Variants in ANO10 observed in about 807,000 individuals in gnomAD.
ANO10 encodes the protein anoctamin-10.
Under a neutral mutation model 74.7 loss-of-function variants are expected in ANO10, and 77 were observed. The observed-to-expected ratio is 1.03, with a 90% CI of 0.86 to 1.25. ANO10 has a LOEUF of 1.25. Among genes scored for constraint, ANO10 ranks in the 50% most tolerant of loss-of-function variants. The pLI is 0.00. For missense variants in ANO10, 721 were observed against 778.1 expected, an observed-to-expected ratio of 0.93 and a Z score of 0.87; for synonymous variants, 279 against 284.9, an observed-to-expected ratio of 0.98 and a Z score of 0.21.
chr3:43,647,147 G>GTA (rs1360745248), intron 1 of ANO10, among the ~76,000 whole-genome samples: 4 of 122,420 alleles, frequency 3.3e-5, no homozygotes, highest in African/African-American at 9.2e-5. Flanking sequence ...AAAGATATGT[G>GTA]TATATATGTG....
chr3:43,469,853 T>TA, intron 11 of ANO10, among the ~76,000 whole-genome samples: 1 of 152,074 alleles, frequency 6.6e-6, no homozygotes, highest in East Asian at 1.9e-4. Flanking sequence ...CTTTCTTAGA[T>TA]AGACAGGAAG....
intron 12 of ANO10, among the ~76,000 whole-genome samples, chr3:43,375,803 G>C (rs1175649559): frequency 3.2e-5 from 2 of 62,778 alleles, no homozygotes; most frequent in Non-Finnish European, 8.8e-5. Flanking sequence ...TGGGGGAGAA[G>C]GTGTCTTCCT....
chr3:43,557,090 A>T (rs2079787205), intron 9 of ANO10, among the ~76,000 whole-genome samples: 1 of 152,152 alleles, frequency 6.6e-6, no homozygotes, highest in Non-Finnish European at 1.5e-5. Context: ...TACTATTTAT[A>T]AAAAGGAAAA....
At chr3:43,556,766 T>C (rs760107505) in intron 9 of ANO10, among the ~76,000 whole-genome samples, 2 of 152,030 alleles carry the variant, frequency 1.3e-5, no homozygotes, top group East Asian at 3.9e-4. Context: ...GGAACAAACA[T>C]AACACACAAT....
chr3:43,403,048 C>T (rs1326806478), intron 12 of ANO10, among the ~76,000 whole-genome samples: 1 of 152,208 alleles, frequency 6.6e-6, no homozygotes, highest in Admixed American at 6.5e-5. Flanking sequence ...GCCTCTGAGC[C>T]TCAAATGCAT....
intron 12 of ANO10, among the ~76,000 whole-genome samples, chr3:43,374,068 G>C (rs1339249173): frequency 6.6e-6 from 1 of 152,162 alleles, no homozygotes; most frequent in Non-Finnish European, 1.5e-5. Context: ...CTTCAGCATG[G>C]AGTGGACGCA....
chr3:43,432,535 G>A, intron 12 of ANO10, 76 bp downstream of exon 12: 5 of 1,275,006 alleles, frequency 3.9e-6, no homozygotes, highest in Non-Finnish European at 5.7e-6. Context: ...AAAAAATGCT[G>A]AGACTGATTC....
At chr3:43,396,967 T>C (rs1410279540) in intron 12 of ANO10, among the ~76,000 whole-genome samples, 1 of 152,042 alleles carries the variant, frequency 6.6e-6, no homozygotes, top group East Asian at 1.9e-4. Flanking sequence ...TTCGCTCTTG[T>C]TGCCCATGCT....
rs867427329 is a variant in ANO10 at position 43,514,062 on chromosome 3, T to A, written c.1797+35658A>T. Among the ~76,000 whole-genome samples, 16 of 150,772 alleles carry A rather than the reference T, an allele frequency of 1.1e-4. 1 individual carries two copies. The highest frequency in any genetic ancestry group is 7.7e-4 in the East Asian group (4 of 5,162). ...TATAATTTATTACATTATAAATAAT[T>A]GCAAACAAAATTAAAATTGCAAGCA... On this transcript the variant is annotated intron_variant, in intron 11 of 12. Coordinates refer to ENST00000292246, the MANE Select transcript of ANO10 (RefSeq NM_018075.5).
chr3:43,575,380 T>C (rs1279210670), intron 6 of ANO10, among the ~76,000 whole-genome samples: 1 of 152,168 alleles, frequency 6.6e-6, no homozygotes, highest in African/African-American at 2.4e-5. Flanking sequence ...TGAAGAGAAG[T>C]GTCATCTTAC....
chr3:43,537,611 C>CCACA (rs3223349), intron 11 of ANO10, among the ~76,000 whole-genome samples: 7,876 of 139,994 alleles, frequency 0.056, 270 homozygotes, highest in African/African-American at 0.089. Context: ...ACTTTATAAA[C>CCACA]CACACACACA....
At chr3:43,660,211 T>G (rs2083909968) in intron 1 of ANO10, among the ~76,000 whole-genome samples, 1 of 152,058 alleles carries the variant, frequency 6.6e-6, no homozygotes, top group Non-Finnish European at 1.5e-5. Context: ...ACACAACTCC[T>G]CGCCAGCAAG....
intron 4 of ANO10, among the ~76,000 whole-genome samples, chr3:43,595,132 A>C (rs147277985): frequency 0.024 from 3,598 of 152,222 alleles, 144 homozygotes; most frequent in African/African-American, 0.081. Flanking sequence ...GAGACTACCA[A>C]CCAAAAAAAG....
chr3:43,420,080 C>G (rs1379814345), intron 12 of ANO10, among the ~76,000 whole-genome samples: 1 of 152,136 alleles, frequency 6.6e-6, no homozygotes, highest in East Asian at 1.9e-4. Context: ...TATATTTCAG[C>G]CCAGTTTCTC....
At chr3:43,527,199 T>C (rs1242743153) in intron 11 of ANO10, among the ~76,000 whole-genome samples, 1 of 152,160 alleles carries the variant, frequency 6.6e-6, no homozygotes, top group African/African-American at 2.4e-5. Context: ...TTTATACTAA[T>C]TCTATTTCAA....
intron 5 of ANO10, among the ~76,000 whole-genome samples, chr3:43,577,887 A>T (rs1240424010): frequency 1.3e-5 from 2 of 152,202 alleles, no homozygotes; most frequent in African/African-American, 4.8e-5. Context: ...AAGAAGGTCC[A>T]AGCAACATGA....
At chr3:43,675,201 A>G (rs1444948661) in intron 1 of ANO10, among the ~76,000 whole-genome samples, 1 of 152,164 alleles carries the variant, frequency 6.6e-6, no homozygotes, top group Non-Finnish European at 1.5e-5. Context: ...ACCTCGACCT[A>G]AACATCTCAC....
At chr3:43,628,385 T>C (rs1355171261) in intron 1 of ANO10, among the ~76,000 whole-genome samples, 1 of 152,232 alleles carries the variant, frequency 6.6e-6, no homozygotes, top group Non-Finnish European at 1.5e-5. Context: ...CCTATGCCTG[T>C]CTTTACTTTA....
At chr3:43,490,774 G>A (rs903163363) in intron 11 of ANO10, among the ~76,000 whole-genome samples, 2 of 152,208 alleles carry the variant, frequency 1.3e-5, no homozygotes, top group Non-Finnish European at 2.9e-5. Flanking sequence ...GGCATGAGGA[G>A]GGCAGAAGGG....
Sources: gnomAD v4.1 joint callset for allele counts (sites outside exome capture counted in the v4.1 genomes callset) on GRCh38, gnomAD v4.1.1 for gene constraint, MANE v1.5 for transcripts, NCBI Gene and HGNC (gene_info 2026-07-23, HGNC 2026-07-21) for gene names.